CENPT: variants seen among roughly 807,000 people sequenced by gnomAD.
The protein encoded by CENPT is interphase centromere complex protein 22.
A neutral mutation model predicts 59.7 loss-of-function variants in CENPT; 42 were observed. The ratio of observed to expected loss-of-function variants is 0.70; its 90% CI spans 0.55 to 0.91. The LOEUF is 0.91. Ranked by LOEUF, CENPT falls within the 40% of genes least tolerant of loss-of-function variation. The probability of loss-of-function intolerance (pLI) is 0.00; values close to 1 mark genes in which losing one functional copy is unlikely to be tolerated. For missense variants in CENPT, 716 were observed against 713.4 expected (o/e 1.00, Z -0.04); for synonymous variants, 295 against 289.6 (o/e 1.02, Z -0.19).
rs2057774143 is a variant in CENPT, at chr16:67,842,920, A to ACAGCAGCAGCAGCAGCAACAG, written c.-492+4480_-492+4481insCTGTTGCTGCTGCTGCTGCTG. Reference sequence around the variant, plus strand: ...AGCAGCAACAGCAGCAGCAGCAGCAACAGCAGCAGCAGCAGCAGCAGCAGC... The same window carrying ACAGCAGCAGCAGCAGCAACAG: ...AGCAGCAACAGCAGCAGCAGCAGCAACAGCAGCAGCAGCAGCAACAGCAGCAGCAGCAGCAGCAGCAGCAGC... On this transcript the variant is annotated intron_variant, in intron 1 of 15. Coordinates refer to ENST00000562787, the MANE Select transcript of CENPT (RefSeq NM_025082.4). This position sits in a 1 kb window ranked among gnomAD's most constrained non-coding sequence, Gnocchi z 4.9. 4.4e-6 allele frequency: 7 copies of ACAGCAGCAGCAGCAGCAACAG among 1,579,804 alleles called. 1 individual carries two copies. Among genetic ancestry groups the ACAGCAGCAGCAGCAGCAACAG allele is most frequent in the South Asian group, 2.2e-5 (2 of 88,988 alleles).
intron 1 of CENPT, among the ~76,000 whole-genome samples, 181 bp from the exon 2 acceptor site, chr16:67,835,839 G>T (rs879819301): frequency 5.8e-4 from 86 of 149,536 alleles, no homozygotes; most frequent in Non-Finnish European, 8.9e-4. Context: ...TTTTTTTTTT[G>T]TTTTTGTTTT....
In CENPT at chr16:67,833,825, G is replaced by A. The variant is rs746137742; in HGVS notation, c.35C>T (p.Pro12Leu). Residue 12 changes from proline (P) to leucine (L), a missense_variant, in exon 4 of 16, where the codon CCG becomes CTG. Coordinates refer to ENST00000562787, the MANE Select transcript of CENPT (RefSeq NM_025082.4). ...CAGCACGCGTCGCAGCAGCGTGCGC[G>A]GCGTGGAGTCGCTGTCAGGGTTGTG... ...ADHNPDSDST[P>L]RTLLRRVLDT... is the part of the protein sequence containing the mutation. 5.1e-6 allele frequency: 8 copies of A among 1,574,372 alleles called. No individual in the cohort carries two copies. The highest frequency in any genetic ancestry group is 1.2e-5 in the South Asian group (1 of 86,734).
At position 67,834,072 on chromosome 16, in the gene CENPT, G is replaced by T; in HGVS notation, c.-213C>A. On this transcript the variant is annotated 5_prime_UTR_variant, in exon 4 of 16. Transcript: ENST00000562787. ...GCGGGTAAACCTCGGTTAATGTAATGCAAGCAGCCCAAGTCTTGGCTTCTT... is the reference window on the plus strand; with the variant it reads ...GCGGGTAAACCTCGGTTAATGTAATTCAAGCAGCCCAAGTCTTGGCTTCTT... 4.2e-6 allele frequency: 2 copies of T among 470,652 alleles called. No homozygotes were observed. Among genetic ancestry groups the T allele is most frequent in the East Asian group, 7.1e-5 (2 of 28,104 alleles). 29.2% of individuals were successfully genotyped at this position (470,652 alleles called of 1,614,324 possible).
At position 67,832,476 on chromosome 16, in the gene CENPT, T is replaced by G; in HGVS notation, c.180A>C (p.Arg60Ser). ...KLSGQTRTIA[R>S]GRSHGARSVG... is the part of the protein sequence containing the mutation. ...TTACCCTGGCTCCATGGGAACGCCC[T>G]CTGGCTATCGTCCTTGTTTGGCCAC... The change falls in exon 5 of 16, where the codon AGA becomes AGC. Residue 60 changes from arginine to serine, a missense_variant. Coordinates refer to ENST00000562787, the MANE Select transcript of CENPT (RefSeq NM_025082.4). 6.2e-7 allele frequency: 1 copy of G among 1,614,198 alleles called. No individual in the cohort carries two copies. Among genetic ancestry groups the G allele is most frequent in the South Asian group, 1.1e-5 (1 of 91,080 alleles).
At position 67,842,723 on chromosome 16, in the gene CENPT, G is replaced by A; in HGVS notation, c.-492+4678C>T. 6.2e-7 allele frequency: 1 copy of A among 1,606,664 alleles called. No homozygotes were observed. Among genetic ancestry groups the A allele is most frequent in the Non-Finnish European group, 8.5e-7 (1 of 1,176,662 alleles). ...CTTCTCCACCTTCCAGCCCACCACA[G>A]GCCACCGTCTCTGCAGCGTTCACTT... On this transcript the variant is annotated intron_variant, in intron 1 of 15. Transcript: ENST00000562787. This position sits in a 1 kb window ranked among gnomAD's most constrained non-coding sequence, Gnocchi z 4.9.
intron 15 of CENPT, 23 bp downstream of exon 15, chr16:67,828,451 C>G (rs1429860229): frequency 1.2e-6 from 2 of 1,614,128 alleles, no homozygotes; most frequent in South Asian, 2.2e-5. Flanking sequence ...CAGCCAGCAC[C>G]CCCACACCTT....
intron 13 of CENPT, 180 bp downstream of exon 13, chr16:67,829,243 C>T (rs1380890637): frequency 9.0e-6 from 5 of 556,434 alleles, no homozygotes; most frequent in African/African-American, 2.0e-5. Flanking sequence ...TCCTCTAAGC[C>T]GTGGAGGCAG....
chr16:67,842,872 G>GCAA lies in CENPT; in HGVS notation c.-492+4526_-492+4528dup. On this transcript the variant is annotated intron_variant, in intron 1 of 15. Transcript: ENST00000562787. This position sits in a 1 kb window ranked among gnomAD's most constrained non-coding sequence, Gnocchi z 4.9. ...CGGCCGCCCGCCGCAGGCAGCAGCAGCAACAGCAGCAGCAGCAGCAACAGC... is the reference window on the plus strand; with the variant it reads ...CGGCCGCCCGCCGCAGGCAGCAGCAGCAACAACAGCAGCAGCAGCAGCAACAGC... The GCAA allele has an allele frequency of 6.2e-7, 1 of 1,604,552 alleles. No individual in the cohort carries two copies. Among genetic ancestry groups the GCAA allele is most frequent in the African/African-American group, 1.3e-5 (1 of 74,372 alleles).
intron 1 of CENPT, chr16:67,841,715 G>A (rs772560470): frequency 5.3e-5 from 8 of 152,278 alleles, no homozygotes; most frequent in Non-Finnish European, 1.0e-4. Context: ...CACATAGTAG[G>A]CGTCTACTGG....
At chr16:67,829,160 C>T (rs1489341505) in intron 13 of CENPT, 5 of 512,424 alleles carry the variant, frequency 9.8e-6, no homozygotes, top group Middle Eastern at 4.7e-4. Flanking sequence ...CTGCCTTTCC[C>T]GATTCTGCTA....
rs377516180 is a variant in CENPT at position 67,842,920 on chromosome 16, A to ACAGCAGCAGCAGCAGCAG, written c.-492+4463_-492+4480dup. ...AGCAGCAACAGCAGCAGCAGCAGCA[A>ACAGCAGCAGCAGCAGCAG]CAGCAGCAGCAGCAGCAGCAGCAGC... On this transcript the variant is annotated intron_variant, in intron 1 of 15. Transcript: ENST00000562787. This position sits in a 1 kb window ranked among gnomAD's most constrained non-coding sequence, Gnocchi z 4.9. 41 of 1,579,804 alleles carry ACAGCAGCAGCAGCAGCAG rather than the reference A, an allele frequency of 2.6e-5. No individual in the cohort carries two copies. The East Asian group carries it at 4.6e-4, about 18-fold the overall frequency.
Position 67,831,318 on chromosome 16 carries a change from A to C in CENPT, c.601T>G (p.Ser201Ala). ...CGGGCCAAGCCAGGCCTCTGCACTG[A>C]CTGTGGCTGAAGAGGTGTGGCAAAG... The part of the protein sequence containing the change: ...LTFATPLQPQ[S>A]VQRPGLARRP... Residue 201 changes from serine to alanine, a missense_variant, in exon 10 of 16, where the codon TCA (serine) becomes GCA (alanine). Coordinates refer to ENST00000562787, the MANE Select transcript of CENPT (RefSeq NM_025082.4). The C allele has an allele frequency of 6.2e-7, 1 of 1,614,174 alleles. No individual in the cohort carries two copies. The highest frequency in any genetic ancestry group is 8.5e-7 in the Non-Finnish European group (1 of 1,180,012).
chr16:67,845,906 G>A (rs1254187062), intron 1 of CENPT, among the ~76,000 whole-genome samples: 1 of 152,238 alleles, frequency 6.6e-6, no homozygotes, highest in Non-Finnish European at 1.5e-5. Context: ...GCCTGTGGGT[G>A]GGGGAAGGTG....
intron 4 of CENPT, among the ~76,000 whole-genome samples, chr16:67,833,342 C>T (rs889968886): frequency 1.1e-4 from 17 of 152,354 alleles, no homozygotes; most frequent in African/African-American, 4.1e-4. Context: ...AGGGCAAATG[C>T]CTAGGCACAC....
In CENPT at chr16:67,832,515, G is replaced by T. The variant is rs762197315; in HGVS notation, c.141C>A (p.Ser47=). Residue 47 remains serine (S), a synonymous_variant, in exon 5 of 16, where the codon TCC becomes TCA. Coordinates refer to ENST00000562787, the MANE Select transcript of CENPT (RefSeq NM_025082.4). The part of the protein sequence containing the change: ...GARRALLETA[S]PRKLSGQTRT... ...TTGTTTGGCCACTCAACTTCCTGGG[G>T]GAAGCCGTTTCAAGCAGGGCTCTCC... The T allele has an allele frequency of 1.9e-6, 3 of 1,614,046 alleles. No homozygotes were observed. The highest frequency in any genetic ancestry group is 2.5e-6 in the Non-Finnish European group (3 of 1,180,034).
chr16:67,832,129 G>A, intron 6 of CENPT, 21 bp from the exon 7 acceptor site: 3 of 1,609,750 alleles, frequency 1.9e-6, no homozygotes, highest in Non-Finnish European at 2.5e-6. Context: ...ACCAAGGAGA[G>A]GGTGGGGCTG....
chr16:67,835,300 A>C lies in CENPT; in HGVS notation c.-370T>G, dbSNP rs1460502940. On this transcript the variant is annotated splice_region_variant and 5_prime_UTR_variant, in exon 3 of 16. Coordinates refer to ENST00000562787, the MANE Select transcript of CENPT (RefSeq NM_025082.4). ...TGGAGTTCACTTTCCCAGAATCTGC[A>C]CTGAGATCAAGTGTAAATTATCAGA... 1 of 152,162 alleles carries C rather than the reference A, an allele frequency of 6.6e-6. No homozygotes were observed. Among genetic ancestry groups the C allele is most frequent in the African/African-American group, 2.4e-5 (1 of 41,436 alleles). The allele number at this position is 152,162 out of a possible 1,614,324, so 9.4% of individuals were successfully genotyped here.
At chr16:67,836,654 C>T (rs1438712719) in intron 1 of CENPT, among the ~76,000 whole-genome samples, 1 of 151,342 alleles carries the variant, frequency 6.6e-6, no homozygotes, top group African/African-American at 2.4e-5. Flanking sequence ...CTCTTGTTGC[C>T]CAGGCTGGAG....
chr16:67,839,531 G>A (rs1229970982), intron 1 of CENPT, among the ~76,000 whole-genome samples: 1 of 152,092 alleles, frequency 6.6e-6, no homozygotes, highest in African/African-American at 2.4e-5. Context: ...CTACACGCCA[G>A]CCTGGGCAAC....
Sources: gnomAD v4.1 joint callset for allele counts (sites outside exome capture counted in the v4.1 genomes callset) on GRCh38, gnomAD v4.1.1 for gene constraint, Gnocchi (gnomAD v3.1) non-coding constraint, MANE v1.5 for transcripts, NCBI Gene and HGNC (gene_info 2026-07-23, HGNC 2026-07-21) for gene names.